THRB: variants seen among roughly 807,000 people sequenced by gnomAD.
THRB encodes the protein nuclear receptor subfamily 1 group A member 2.
In THRB, 12 loss-of-function variants were observed where a neutral mutation model predicts 47.8. The ratio of observed to expected loss-of-function variants is 0.25; its 90% CI spans 0.16 to 0.41. THRB has a LOEUF of 0.41. THRB is among the 10% of genes least tolerant of loss of function. THRB has a pLI of 1.00. For synonymous variants in THRB, 218 were observed against 212.2 expected, an observed-to-expected ratio of 1.03 and a Z score of -0.24; for missense variants, 348 against 589.2, an observed-to-expected ratio of 0.59 and a Z score of 4.24.
At chr3:24,367,557 C>T (rs2064565923) in intron 1 of THRB, among the ~76,000 whole-genome samples, 2 of 152,162 alleles carry the variant, frequency 1.3e-5, no homozygotes, top group Admixed American at 1.3e-4. Flanking sequence ...TCAAGTCCTT[C>T]TATGCCATCT....
chr3:24,274,169 C>T (rs2053653368), intron 3 of THRB, among the ~76,000 whole-genome samples: 2 of 152,100 alleles, frequency 1.3e-5, no homozygotes, highest in African/African-American at 2.4e-5. Context: ...ATTTATTATA[C>T]TTCTTTACAA....
At chr3:24,455,900 A>G (rs1201407765) in intron 1 of THRB, among the ~76,000 whole-genome samples, 4 of 152,174 alleles carry the variant, frequency 2.6e-5, no homozygotes, top group Non-Finnish European at 4.4e-5. Flanking sequence ...CATCACTGTT[A>G]TTGCTCAATT....
chr3:24,228,295 C>T (rs1367713425), intron 4 of THRB, among the ~76,000 whole-genome samples: 2 of 152,172 alleles, frequency 1.3e-5, no homozygotes, highest in Non-Finnish European at 2.9e-5. Context: ...CAAGGTCATT[C>T]TGCCTCTCCT....
intron 4 of THRB, among the ~76,000 whole-genome samples, chr3:24,203,482 C>G (rs760110242): frequency 1.1e-4 from 17 of 152,146 alleles, no homozygotes; most frequent in Non-Finnish European, 2.5e-4. Flanking sequence ...GCAATAGTGT[C>G]TGAACACTGA....
At chr3:24,328,468 A>G (rs529420034) in intron 2 of THRB, among the ~76,000 whole-genome samples, 2 of 152,288 alleles carry the variant, frequency 1.3e-5, no homozygotes, top group African/African-American at 4.8e-5. Flanking sequence ...CACCTTCTCC[A>G]GTCCCTATTC....
intron 5 of THRB, among the ~76,000 whole-genome samples, chr3:24,175,670 C>G (rs2041044028): frequency 6.6e-6 from 1 of 152,094 alleles, no homozygotes; most frequent in East Asian, 1.9e-4. Context: ...CAAAACCAAC[C>G]TTAATGAATC....
Position 24,152,426 on chromosome 3 carries a change from C to T in THRB, c.348G>A (p.Gly116=). The T allele has an allele frequency of 6.2e-7, 1 of 1,613,342 alleles. No homozygotes were observed. The change falls in exon 6 of 11, where the codon GGG becomes GGA. Residue 116 remains glycine, a synonymous_variant. Transcript: ENST00000646209. ...LCVVCGDKAT[G]YHYRCITCEG... The stretch of plus-strand genomic sequence containing the variant: ...CACACGTGATACAGCGGTAGTGATA[C>T]CCGGTGGCTTTGTCACCACACACTA...
chr3:24,364,767 C>T (rs1407005915), intron 1 of THRB, among the ~76,000 whole-genome samples: 1 of 152,146 alleles, frequency 6.6e-6, no homozygotes, highest in African/African-American at 2.4e-5. Flanking sequence ...AAAGCAGCCT[C>T]TACAGGTAAC....
chr3:24,470,685 C>T (rs561443778), intron 1 of THRB, among the ~76,000 whole-genome samples: 58 of 152,244 alleles, frequency 3.8e-4, no homozygotes, highest in Non-Finnish European at 7.4e-4. Context: ...GGTGCGATCT[C>T]GGCTCACTGC....
At chr3:24,379,470 A>C (rs1177184143) in intron 1 of THRB, among the ~76,000 whole-genome samples, 1 of 152,162 alleles carries the variant, frequency 6.6e-6, no homozygotes, top group Non-Finnish European at 1.5e-5. Flanking sequence ...TGCTCAAAGT[A>C]GAAAAGTTTT....
chr3:24,265,362 A>G (rs926321530), intron 3 of THRB, among the ~76,000 whole-genome samples: 5 of 152,236 alleles, frequency 3.3e-5, no homozygotes, highest in Admixed American at 3.3e-4. Flanking sequence ...TTTTTTGGAA[A>G]TAATGAAAAT....
chr3:24,229,578 C>T (rs2048042171), intron 3 of THRB, among the ~76,000 whole-genome samples: 1 of 152,186 alleles, frequency 6.6e-6, no homozygotes, highest in Non-Finnish European at 1.5e-5. Flanking sequence ...CTCACCACTA[C>T]CTTAATGAGA....
chr3:24,327,998 T>A (rs1298709680), intron 2 of THRB, among the ~76,000 whole-genome samples: 2 of 152,146 alleles, frequency 1.3e-5, no homozygotes, highest in East Asian at 1.9e-4. Context: ...AATGGGTGCA[T>A]GACATCAACA....
At chr3:24,233,546 AAAGAAAGAAAAAGG>A (rs1357005864) in intron 3 of THRB, among the ~76,000 whole-genome samples, 3 of 82,334 alleles carry the variant, frequency 3.6e-5, no homozygotes, top group Admixed American at 3.6e-4. Flanking sequence ...AAAGAAAGAG[AAAGAAAGAAAAAGG>A]AAGAAAGAAA....
intron 3 of THRB, among the ~76,000 whole-genome samples, chr3:24,270,643 T>A (rs1345313627): frequency 1.3e-5 from 2 of 152,320 alleles, no homozygotes; most frequent in African/African-American, 4.8e-5. Flanking sequence ...GGGGGTCAGT[T>A]CATCAGGTCA....
intron 1 of THRB, among the ~76,000 whole-genome samples, chr3:24,455,920 A>G (rs1022950459): frequency 3.7e-4 from 56 of 152,234 alleles, no homozygotes; most frequent in African/African-American, 1.3e-3. Flanking sequence ...TCTCTGAAAT[A>G]TATTTTTAAA....
chr3:24,261,583 TA>T (rs1419255809), intron 3 of THRB, among the ~76,000 whole-genome samples: 1 of 152,060 alleles, frequency 6.6e-6, no homozygotes, highest in Non-Finnish European at 1.5e-5. Context: ...TGCTCCCCTT[TA>T]GAGCAAAGGA....
intron 1 of THRB, among the ~76,000 whole-genome samples, chr3:24,420,908 T>C (rs994009836): frequency 6.6e-5 from 10 of 151,942 alleles, no homozygotes; most frequent in African/African-American, 1.9e-4. Context: ...TGTATGTTCA[T>C]TGCAGCACTA....
At chr3:24,288,145 G>T (rs558523614) in intron 3 of THRB, among the ~76,000 whole-genome samples, 1 of 152,292 alleles carries the variant, frequency 6.6e-6, no homozygotes, top group Non-Finnish European at 1.5e-5. Flanking sequence ...CTACCAAGTG[G>T]CCGGAGCAGG....
Sources: gnomAD v4.1 joint callset for allele counts (sites outside exome capture counted in the v4.1 genomes callset) on GRCh38, gnomAD v4.1.1 for gene constraint, MANE v1.5 for transcripts, NCBI Gene and HGNC (gene_info 2026-07-23, HGNC 2026-07-21) for gene names.